Variants in TFDP2 observed in about 807,000 individuals in gnomAD.
TFDP2 encodes the protein transcription factor Dp-2 (E2F dimerization partner 2).
In TFDP2, 17 loss-of-function variants were observed where a neutral mutation model predicts 59.3. The ratio of observed to expected loss-of-function variants is 0.29; its 90% confidence interval spans 0.20 to 0.43. The LOEUF (loss-of-function observed/expected upper bound fraction) is 0.43. Among genes scored for constraint, TFDP2 ranks in the 20% least tolerant of loss-of-function variants. TFDP2 has a pLI of 1.00. For synonymous variants in TFDP2, 180 were observed against 194.7 expected, an observed-to-expected ratio of 0.92 and a Z score of 0.63; for missense variants, 391 against 528.8, an observed-to-expected ratio of 0.74 and a Z score of 2.56.
chr3:142,087,241 T>C (rs1195984369), intron 3 of TFDP2, among the ~76,000 whole-genome samples: 1 of 152,184 alleles, frequency 6.6e-6, no homozygotes, highest in East Asian at 1.9e-4. Flanking sequence ...AAATGCTTTG[T>C]TAGGTGATTT....
At position 142,129,750 on chromosome 3, in the gene TFDP2, C is replaced by A. The variant is rs577292171; in HGVS notation, c.-93+19433G>T. On this transcript the variant is annotated intron_variant, in intron 1 of 12. Coordinates refer to ENST00000489671, the MANE Select transcript of TFDP2 (RefSeq NM_001178139.2). ...ACTCAGCAGGCCAAACCAGCCTGGA[C>A]AACATAGCAAGATCCCATCTTTTAC... 8.6e-5 allele frequency among the ~76,000 whole-genome samples: 13 copies of A among 151,066 alleles called. No homozygotes were observed. The East Asian group carries it at 2.1e-3, about 25-fold the overall frequency.
chr3:142,019,775 TA>T (rs1945451277), intron 3 of TFDP2, among the ~76,000 whole-genome samples: 1 of 147,726 alleles, frequency 6.8e-6, no homozygotes, highest in Non-Finnish European at 1.5e-5. Flanking sequence ...TAGCCACTTT[TA>T]ATGAATAATC....
At chr3:142,010,533 C>G (rs1344480163) in intron 3 of TFDP2, among the ~76,000 whole-genome samples, 1 of 145,058 alleles carries the variant, frequency 6.9e-6, no homozygotes, top group Non-Finnish European at 1.5e-5. Context: ...CGCTTGAACC[C>G]GGGAGGCAGA....
intron 3 of TFDP2, among the ~76,000 whole-genome samples, chr3:142,014,259 C>G (rs1944949388): frequency 6.6e-6 from 1 of 152,216 alleles, no homozygotes; most frequent in Non-Finnish European, 1.5e-5. Flanking sequence ...CCTCCTGCCT[C>G]AGCTCTCCAG....
At chr3:142,029,985 C>G (rs1027699120) in intron 3 of TFDP2, among the ~76,000 whole-genome samples, 1 of 152,166 alleles carries the variant, frequency 6.6e-6, no homozygotes, top group Non-Finnish European at 1.5e-5. Flanking sequence ...AAATATTCCC[C>G]TTGGAAAGTA....
At chr3:142,064,236 C>T (rs73232663) in intron 3 of TFDP2, among the ~76,000 whole-genome samples, 12,863 of 152,164 alleles carry the variant, frequency 0.085, 690 homozygotes, top group Middle Eastern at 0.14. Flanking sequence ...CCGTGCCTGG[C>T]CAACAGTAGT....
intron 3 of TFDP2, among the ~76,000 whole-genome samples, chr3:142,078,311 G>A (rs1203208929): frequency 1.3e-5 from 2 of 152,140 alleles, no homozygotes; most frequent in Admixed American, 6.5e-5. Flanking sequence ...TGATTGTAAA[G>A]CCCCAGGGCC....
intron 3 of TFDP2, among the ~76,000 whole-genome samples, chr3:142,065,316 G>T (rs1300145912): frequency 2.6e-5 from 4 of 151,984 alleles, no homozygotes; most frequent in African/African-American, 4.8e-5. Flanking sequence ...AGGCCACCAT[G>T]CCTGGTTAAT....
At chr3:141,954,661 A>G (rs959767540) in intron 11 of TFDP2, among the ~76,000 whole-genome samples, 1 of 152,034 alleles carries the variant, frequency 6.6e-6, no homozygotes, top group Non-Finnish European at 1.5e-5. Flanking sequence ...CAAAAAAGTT[A>G]CTGAATGAAT....
At chr3:142,031,166 C>A (rs1380639232) in intron 3 of TFDP2, among the ~76,000 whole-genome samples, 1 of 152,138 alleles carries the variant, frequency 6.6e-6, no homozygotes, top group Non-Finnish European at 1.5e-5. Flanking sequence ...CTAACAGCAA[C>A]CCAAGGTCAG....
chr3:141,990,229 A>G (rs1942608457), intron 6 of TFDP2, among the ~76,000 whole-genome samples: 1 of 151,730 alleles, frequency 6.6e-6, no homozygotes, highest in South Asian at 2.1e-4. Context: ...TTTCAATAAG[A>G]TCTTAGCAGT....
intron 3 of TFDP2, among the ~76,000 whole-genome samples, chr3:142,071,003 CA>C (rs1431528971): frequency 1.3e-5 from 2 of 151,894 alleles, no homozygotes; most frequent in African/African-American, 4.8e-5. Context: ...AAGATGGTGT[CA>C]AGGAAGCATA....
intron 3 of TFDP2, among the ~76,000 whole-genome samples, chr3:142,064,889 T>C (rs1326335484): frequency 2.0e-5 from 3 of 152,252 alleles, no homozygotes; most frequent in Non-Finnish European, 2.9e-5. Flanking sequence ...TTTAATATTT[T>C]CCTTTATTTT....
At chr3:142,148,458 TTC>T (rs2063252931) in intron 1 of TFDP2, among the ~76,000 whole-genome samples, 2 of 152,234 alleles carry the variant, frequency 1.3e-5, no homozygotes, top group Non-Finnish European at 2.9e-5. Flanking sequence ...GTGGAGGATT[TTC>T]TTACGATTGC....
chr3:142,120,631 G>T (rs148312887), intron 1 of TFDP2, among the ~76,000 whole-genome samples: 70 of 152,228 alleles, frequency 4.6e-4, no homozygotes, highest in African/African-American at 1.7e-3. Flanking sequence ...TCTCCATATA[G>T]CTATTACACA....
intron 9 of TFDP2, among the ~76,000 whole-genome samples, chr3:141,969,515 A>G (rs1015987620): frequency 8.6e-5 from 13 of 151,732 alleles, no homozygotes; most frequent in Non-Finnish European, 1.5e-5. Context: ...TGGGAGGCTG[A>G]GGCAGAGAAT....
At chr3:142,047,376 A>G (rs913219373) in intron 3 of TFDP2, among the ~76,000 whole-genome samples, 5 of 152,318 alleles carry the variant, frequency 3.3e-5, no homozygotes, top group East Asian at 3.9e-4. Context: ...GTGAATTATA[A>G]TAACACTATA....
In TFDP2 at chr3:141,978,527, G is replaced by A. The variant is rs1559962436; in HGVS notation, c.512C>T (p.Ala171Val). The A allele has an allele frequency of 6.2e-7, 1 of 1,607,310 alleles. No individual in the cohort carries two copies. The highest frequency in any genetic ancestry group is 1.3e-5 in the African/African-American group (1 of 74,670). Reference protein sequence around the residue: ...EFTNSNNHLAADSAYDQKNIR... With the variant: ...EFTNSNNHLAVDSAYDQKNIR... ...GGTTCATGATTTACATACCGAATCA[G>A]CAGCCAAATGGTTATTTGAATTGGT... is the stretch of plus-strand genomic sequence containing the variant. Residue 171 changes from alanine to valine, a missense_variant, in exon 7 of 13, where the codon GCT (alanine) becomes GTT (valine). By Grantham distance (64) the Ala-to-Val change is moderately conservative (BLOSUM62 0). This residue lies in a region of TFDP2 where 162 missense variants were observed against 206.8 expected (regional missense o/e 0.78). Transcript: ENST00000489671.
Position 141,945,823 on chromosome 3 carries a change from G to T in TFDP2, c.*6690C>A, listed in dbSNP as rs989627990. On this transcript the variant is annotated 3_prime_UTR_variant, in exon 13 of 13. Transcript: ENST00000489671. The stretch of plus-strand genomic sequence containing the variant: ...AGTTTTTAAATCCAAACGTGATCTG[G>T]GGAATTTTCCGTTATGATTCGACAG... 29 of 152,360 alleles carry T rather than the reference G, an allele frequency of 1.9e-4. No homozygotes were observed. The highest frequency in any genetic ancestry group is 6.0e-4 in the African/African-American group (25 of 41,578). 9.4% of individuals were successfully genotyped at this position (152,360 alleles called of 1,614,324 possible). A position where few individuals can be genotyped will look rare whatever the true frequency, so the allele number is the denominator to read the frequency against.
Sources: allele counts gnomAD v4.1 joint callset (sites outside exome capture counted in the v4.1 genomes callset), GRCh38; gene constraint gnomAD v4.1.1; regional missense constraint gnomAD v4.1.1; transcripts MANE v1.5; gene names NCBI Gene and HGNC (gene_info 2026-07-23, HGNC 2026-07-21).